LRTM3: variants seen among roughly 807,000 people sequenced by gnomAD.
LRTM3 encodes leucine rich repeat transmembrane protein 3.
At chr13:102,742,618 C>A in the LRTM3 span, 1 of 1,550,544 alleles carries the variant, frequency 6.4e-7, no homozygotes, top group Non-Finnish European at 8.7e-7. Context: ...CTTTAAAGTT[C>A]TGTTTCTGCT....
chr13:102,749,039 T>A, the LRTM3 span: 2 of 1,550,702 alleles, frequency 1.3e-6, no homozygotes, highest in Non-Finnish European at 1.7e-6. Flanking sequence ...ATTTTTAACA[T>A]AAGGCAGAAT....
At chr13:102,742,661 G>C in the LRTM3 span, 35 of 1,550,568 alleles carry the variant, frequency 2.3e-5, 1 homozygote, top group Admixed American at 3.9e-5. Context: ...ATAACCTGCA[G>C]TATCAGGTGA....
the LRTM3 span, chr13:102,730,905 G>C: frequency 6.4e-7 from 1 of 1,551,266 alleles, no homozygotes; most frequent in Non-Finnish European, 8.7e-7. Flanking sequence ...CTGTTTTGTC[G>C]TTTTGGTCCT....
the LRTM3 span, chr13:102,744,691 A>C: frequency 6.4e-7 from 1 of 1,550,780 alleles, no homozygotes; most frequent in Non-Finnish European, 8.7e-7. Flanking sequence ...GGAGGTGTTG[A>C]CTATAGCATG....
chr13:102,758,689 C>T, the LRTM3 span: 16 of 1,526,670 alleles, frequency 1.0e-5, no homozygotes, highest in Non-Finnish European at 1.4e-5. Flanking sequence ...GGAAATCAAC[C>T]ATTTATTCTT....
At chr13:102,750,264 C>T in the LRTM3 span, 5 of 1,551,130 alleles carry the variant, frequency 3.2e-6, no homozygotes, top group South Asian at 4.8e-5. Context: ...CTTACTTGAT[C>T]TTCACTTTCA....
chr13:102,745,288 A>G, the LRTM3 span: 2 of 1,550,740 alleles, frequency 1.3e-6, no homozygotes, highest in Non-Finnish European at 1.7e-6. Context: ...CTTTAATGTC[A>G]CGTGAAGTAA....
At chr13:102,735,559 T>G in the LRTM3 span, 1 of 1,551,082 alleles carries the variant, frequency 6.4e-7, no homozygotes, top group Non-Finnish European at 8.7e-7. Flanking sequence ...ACTGCAATTT[T>G]TTGGTATTGA....
the LRTM3 span, chr13:102,730,106 C>T: frequency 2.1e-5 from 33 of 1,550,270 alleles, no homozygotes; most frequent in East Asian, 6.6e-4. Context: ...ATATTTCCTG[C>T]TTTTGTGGGA....
chr13:102,740,925 G>GA, the LRTM3 span: 1 of 1,549,928 alleles, frequency 6.5e-7, no homozygotes, highest in Non-Finnish European at 8.7e-7. Flanking sequence ...CTTTCTTGTG[G>GA]ATGTTCTTTT....
At chr13:102,746,994 C>G in the LRTM3 span, 1 of 1,551,224 alleles carries the variant, frequency 6.4e-7, no homozygotes, top group African/African-American at 1.4e-5. Flanking sequence ...TGATGCATTT[C>G]TTTCTCTGTT....
the LRTM3 span, chr13:102,740,451 G>A: frequency 3.5e-4 from 547 of 1,550,114 alleles, 6 homozygotes; most frequent in East Asian, 0.012. Flanking sequence ...AAATGTTGCA[G>A]GAGACAGGGA....
chr13:102,730,601 A>G, the LRTM3 span: 6 of 1,551,788 alleles, frequency 3.9e-6, no homozygotes, highest in Non-Finnish European at 5.2e-6. Context: ...AGAAGCACAC[A>G]CAAGGGTTGG....
the LRTM3 span, chr13:102,749,788 A>G: frequency 6.4e-7 from 1 of 1,551,382 alleles, no homozygotes; most frequent in Non-Finnish European, 8.7e-7. Flanking sequence ...TCTGAAAAGC[A>G]TTTTGTCCTG....
At chr13:102,749,010 C>T in the LRTM3 span, 4 of 1,550,754 alleles carry the variant, frequency 2.6e-6, no homozygotes, top group Non-Finnish European at 3.5e-6. Context: ...ATGACTTTCA[C>T]TAGTTGTTTT....
At chr13:102,758,865 G>T in the LRTM3 span, 4 of 1,550,044 alleles carry the variant, frequency 2.6e-6, no homozygotes, top group East Asian at 9.8e-5. Context: ...GTCCCATAAT[G>T]TCATGAATGT....
the LRTM3 span, chr13:102,736,323 C>G: frequency 6.4e-7 from 1 of 1,551,070 alleles, no homozygotes; most frequent in South Asian, 1.2e-5. Flanking sequence ...GGACTGTGCT[C>G]AGTGATGCTG....
the LRTM3 span, chr13:102,758,862 A>G: frequency 1.3e-6 from 2 of 1,550,254 alleles, no homozygotes; most frequent in Non-Finnish European, 1.7e-6. Flanking sequence ...AAAGTCCCAT[A>G]ATGTCATGAA....
the LRTM3 span, chr13:102,736,341 G>A: frequency 1.2e-4 from 186 of 1,551,006 alleles, 1 homozygote; most frequent in Non-Finnish European, 1.7e-5. Flanking sequence ...CTGAACACTT[G>A]TGGAGGTGCT....
Sources: gnomAD v4.1 joint callset for allele counts on GRCh38, gnomAD v4.1.1 for gene constraint, MANE v1.5 for transcripts, NCBI Gene and HGNC (gene_info 2026-07-23, HGNC 2026-07-21) for gene names.